Variants in CA11 observed in about 807,000 individuals in gnomAD.
The protein encoded by CA11 is carbonic anhydrase 11 (inactive).
In CA11, 20 loss-of-function variants were observed where a neutral mutation model predicts 39.3. The ratio of observed to expected loss-of-function variants is 0.51; its 90% CI spans 0.36 to 0.74. The LOEUF is 0.74. CA11 is among the 30% of genes least tolerant of loss of function. The pLI, the probability that CA11 is intolerant of heterozygous loss-of-function variation, is 0.00. For missense variants in CA11, 336 were observed against 424.6 expected (o/e 0.79, Z 1.83); for synonymous variants, 166 against 172.5 (o/e 0.96, Z 0.29).
chr19:48,638,994 G>C lies in CA11; in HGVS notation c.855C>G (p.Ser285Arg). Residue 285 changes from serine (S) to arginine (R), a missense_variant, in exon 8 of 9, where the codon AGC (serine) becomes AGG (arginine). Coordinates refer to ENST00000084798, the MANE Select transcript of CA11 (RefSeq NM_001217.5). The stretch of plus-strand genomic sequence containing the variant: ...AGGGCTGCAGGGGCCGGCTGTTACC[G>C]CTGAGGCTCTGGAAGATCTGAGATG... ...NPPSQIFQSL[S>R]GNSRPLQPLA... The C allele has an allele frequency of 6.2e-7, 1 of 1,613,968 alleles. No individual in the cohort carries two copies. Among genetic ancestry groups the C allele is most frequent in the Non-Finnish European group, 8.5e-7 (1 of 1,179,970 alleles).
At chr19:48,642,686 T>C (rs2031125361) in intron 3 of CA11, among the ~76,000 whole-genome samples, 1 of 152,098 alleles carries the variant, frequency 6.6e-6, no homozygotes. Flanking sequence ...GTGAATAGAT[T>C]GCAGGAAGTT....
chr19:48,639,473 A>C lies in CA11; in HGVS notation c.641-14T>G, dbSNP rs754143954. The stretch of plus-strand genomic sequence containing the variant: ...AGTAGGCATCATCTGCGGGAATATC[A>C]GGCCAGAGTAAAGAGGGATGGCACT... On this transcript the variant is annotated splice_polypyrimidine_tract_variant and intron_variant, in intron 6 of 8. Coordinates refer to ENST00000084798, the MANE Select transcript of CA11 (RefSeq NM_001217.5). 1.2e-6 allele frequency: 2 copies of C among 1,613,834 alleles called. No homozygotes were observed. Among genetic ancestry groups the C allele is most frequent in the East Asian group, 4.5e-5 (2 of 44,886 alleles).
rs1303207061 is a variant in CA11, at chr19:48,645,399, GC to G, written c.142+3del. On this transcript the variant is annotated splice_donor_region_variant and intron_variant, in intron 2 of 8. Transcript: ENST00000084798. The stretch of plus-strand genomic sequence containing the variant: ...GGACTCCTGGGTCCCCGCCTTGGCG[GC>G]ACCTGGCACGAAGTTTCCCTGGAGA... 5 of 1,578,142 alleles carry G rather than the reference GC, an allele frequency of 3.2e-6. No individual in the cohort carries two copies. Among genetic ancestry groups the G allele is most frequent in the Non-Finnish European group, 4.3e-6 (5 of 1,161,058 alleles).
At chr19:48,639,745 G>A (rs200972928) in intron 5 of CA11, 43 bp downstream of exon 5, 1 of 1,599,832 alleles carries the variant, frequency 6.3e-7, no homozygotes, top group Admixed American at 1.7e-5. Context: ...CCGGGTTCCA[G>A]GCACCCAACT....
intron 8 of CA11, 155 bp from the exon 9 acceptor site, chr19:48,638,299 C>T: frequency 2.5e-6 from 3 of 1,191,086 alleles, no homozygotes; most frequent in Non-Finnish European, 3.1e-6. Flanking sequence ...CTGGGCTGAA[C>T]CACAAGAAGC....
chr19:48,642,106 A>G (rs1267760428), intron 3 of CA11, among the ~76,000 whole-genome samples: 2 of 152,200 alleles, frequency 1.3e-5, no homozygotes, highest in African/African-American at 4.8e-5. Context: ...AAGAGACTTC[A>G]TCAAAGTCCA....
At chr19:48,640,367 CTTTT>C (rs11372081) in intron 3 of CA11, 87 bp from the exon 4 acceptor site, 1,840 of 321,882 alleles carry the variant, frequency 5.7e-3, no homozygotes, top group East Asian at 9.5e-3. Context: ...TTCCAACAGT[CTTTT>C]TTTTTTTTTT....
In CA11 at chr19:48,638,928, G is replaced by A. The variant is rs1373169577; in HGVS notation, c.921C>T (p.His307=). The A allele has an allele frequency of 1.0e-5, 16 of 1,607,868 alleles. No homozygotes were observed. Among genetic ancestry groups the A allele is most frequent in the Non-Finnish European group, 1.3e-5 (15 of 1,177,932 alleles). ...TGGGGCCTCGGCAGCGCCTCTCGGG[G>A]TGCCGGGGGTCCCTGTTGCCCCTCA... ...RALRGNRDPR[H]PERRCRGPNY... Residue 307 remains histidine (H), a synonymous_variant, in exon 8 of 9, where the codon CAC becomes CAT. Coordinates refer to ENST00000084798, the MANE Select transcript of CA11 (RefSeq NM_001217.5).
rs537702330 is a variant in CA11, at chr19:48,639,386, C to T, written c.714G>A (p.Gln238=). The T allele has an allele frequency of 7.2e-5, 116 of 1,613,648 alleles. No homozygotes were observed. Among genetic ancestry groups the T allele is most frequent in the Middle Eastern group, 1.6e-4 (1 of 6,084 alleles). Residue 238 remains glutamine (Q), a synonymous_variant, in exon 7 of 9, where the codon CAG becomes CAA. Transcript: ENST00000084798. ...FPESFGFITY[Q]GSLSTPPCSE... ...AGCAGGGCGGGGTGCTGAGAGAGCC[C>T]TGATAGGTGATGAAGCCGAAGGATT...
At chr19:48,638,388 TG>T in intron 8 of CA11, 1 of 50,468 alleles carries the variant, frequency 2.0e-5, no homozygotes, top group Non-Finnish European at 2.9e-5. Flanking sequence ...GGGGGGGGGG[TG>T]TGGACTGTAC....
At position 48,643,165 on chromosome 19, in the gene CA11, CTCTT is replaced by C. The variant is rs947087853; in HGVS notation, c.285+1258_285+1261del. 1.1e-3 allele frequency among the ~76,000 whole-genome samples: 174 copies of C among 152,024 alleles called. 1 individual carries two copies. Among genetic ancestry groups the C allele is most frequent in the African/African-American group, 3.9e-3 (161 of 41,448 alleles). On this transcript the variant is annotated intron_variant, in intron 3 of 8. Transcript: ENST00000084798. The surrounding 1 kb of genome is among the most constrained non-coding windows in gnomAD (Gnocchi z 4.3). ...CTTCCTTCCTTCCTTCTCTCTTTCT[CTCTT>C]TCTTTCTCGCTCTCTCTCTTTCTTT...
At position 48,639,016 on chromosome 19, in the gene CA11, G is replaced by A. The variant is rs1467562287; in HGVS notation, c.833C>T (p.Ser278Phe). Residue 278 changes from serine (S) to phenylalanine (F), a missense_variant, in exon 8 of 9, where the codon TCT becomes TTT. By Grantham distance (155) the Ser-to-Phe change is radical. Coordinates refer to ENST00000084798, the MANE Select transcript of CA11 (RefSeq NM_001217.5). ...SLRLLSQNPP[S>F]QIFQSLSGNS... ...ACCGCTGAGGCTCTGGAAGATCTGAGATGGAGGATTCTGGCTCAGGAGTCT... is the reference window on the plus strand; with the variant it reads ...ACCGCTGAGGCTCTGGAAGATCTGAAATGGAGGATTCTGGCTCAGGAGTCT... 3 of 1,614,058 alleles carry A rather than the reference G, an allele frequency of 1.9e-6. No homozygotes were observed. Among genetic ancestry groups the A allele is most frequent in the South Asian group, 2.2e-5 (2 of 91,078 alleles).
At chr19:48,642,215 T>C (rs1019266768) in intron 3 of CA11, among the ~76,000 whole-genome samples, 5 of 152,134 alleles carry the variant, frequency 3.3e-5, no homozygotes, top group East Asian at 1.9e-4. Flanking sequence ...ACTGCATATA[T>C]AGGCTGGATG....
At chr19:48,638,418 G>A in intron 8 of CA11, 1 of 1,035,364 alleles carries the variant, frequency 9.7e-7, no homozygotes, top group Non-Finnish European at 1.2e-6. Context: ...GAAGCCGGGG[G>A]TGTGTGAGAT....
In CA11 at chr19:48,638,126, C is replaced by T; in HGVS notation, c.980G>A (p.Gly327Asp). The T allele has an allele frequency of 7.4e-7, 1 of 1,354,750 alleles. No homozygotes were observed. The highest frequency in any genetic ancestry group is 9.6e-7 in the Non-Finnish European group (1 of 1,038,302). The allele number at this position is 1,354,750 out of a possible 1,614,324, so 83.9% of individuals were successfully genotyped here. A position where few individuals can be genotyped will look rare whatever the true frequency, so the allele number is the denominator to read the frequency against. The change falls in exon 9 of 9, where the codon GGT becomes GAT. Residue 327 changes from glycine to aspartate, a missense_variant. Physicochemically the swap from Gly to Asp is moderately conservative, Grantham distance 94 (BLOSUM62 -1). Coordinates refer to ENST00000084798, the MANE Select transcript of CA11 (RefSeq NM_001217.5). The part of the protein sequence containing the change: ...YRLHVDGVPH[G>D]R The stretch of plus-strand genomic sequence containing the variant: ...AATCCTCGAAGGGGAGTCTCAGCGA[C>T]CATGGGGGACACCATCCACTGTAAG...
intron 7 of CA11, 108 bp downstream of exon 7, chr19:48,639,197 T>A (rs1459869609): frequency 1.3e-6 from 2 of 1,526,758 alleles, no homozygotes; most frequent in African/African-American, 2.7e-5. Context: ...CCCTCTTACC[T>A]ACTTGAGTTC....
intron 2 of CA11, among the ~76,000 whole-genome samples, chr19:48,644,921 G>C (rs2031200516): frequency 6.6e-6 from 1 of 152,108 alleles, no homozygotes; most frequent in Non-Finnish European, 1.5e-5. Context: ...AGCCACTGTA[G>C]ATGGAACTAC....
chr19:48,640,367 CTTTTTTT>C (rs11372081), intron 3 of CA11, 87 bp from the exon 4 acceptor site: 94 of 324,730 alleles, frequency 2.9e-4, no homozygotes, highest in Middle Eastern at 1.0e-3. Flanking sequence ...TTCCAACAGT[CTTTTTTT>C]TTTTTTTTTT....
chr19:48,641,823 C>CTTTTT (rs71179023), intron 3 of CA11, among the ~76,000 whole-genome samples: 17 of 92,268 alleles, frequency 1.8e-4, no homozygotes, highest in East Asian at 3.2e-4. Flanking sequence ...TTTCAATTTT[C>CTTTTT]TTTTTTTTTT....
Sources: allele counts gnomAD v4.1 joint callset (sites outside exome capture counted in the v4.1 genomes callset), GRCh38; gene constraint gnomAD v4.1.1; non-coding constraint Gnocchi (gnomAD v3.1); transcripts MANE v1.5; gene names NCBI Gene and HGNC (gene_info 2026-07-23, HGNC 2026-07-21).